Variants in ZBTB11 observed in about 807,000 individuals in gnomAD.
ZBTB11 encodes the protein zinc finger and BTB domain-containing protein 11.
ZBTB11 carries 68 observed loss-of-function variants against 113.1 expected under a neutral mutation model. The ratio of observed to expected loss-of-function variants is 0.60; its 90% CI spans 0.49 to 0.74. The LOEUF (loss-of-function observed/expected upper bound fraction) is 0.74, where lower values mean the gene tolerates loss of function less well. Ranked by LOEUF, ZBTB11 falls within the 30% of genes least tolerant of loss-of-function variation. The pLI, the probability that ZBTB11 is intolerant of heterozygous loss-of-function variation, is 0.00. For missense variants in ZBTB11, 1,104 were observed against 1,279.4 expected, an observed-to-expected ratio of 0.86 and a Z score of 2.09; for synonymous variants, 518 against 452.6, an observed-to-expected ratio of 1.14 and a Z score of -1.83.
Position 101,671,250 on chromosome 3 carries a change from T to C in ZBTB11, c.658A>G (p.Ile220Val). 7 of 1,614,190 alleles carry C rather than the reference T, an allele frequency of 4.3e-6. No homozygotes were observed. Among genetic ancestry groups the C allele is most frequent in the Non-Finnish European group, 5.9e-6 (7 of 1,180,006 alleles). The change falls in exon 3 of 11, where the codon ATT (isoleucine) becomes GTT (valine). Residue 220 changes from isoleucine (I) to valine (V), a missense_variant. Physicochemically the swap from Ile to Val is conservative, Grantham distance 29. Around this residue, in one of 5 missense-constraint regions of ZBTB11, gnomAD observed 86 missense variants for 131.0 expected, o/e 0.66. Transcript: ENST00000312938. Reference sequence around the variant, plus strand: ...TGAGCTTTGTACTCTTCTCCTTCAATTAACAAAGTAACATCACAGAACTGG... The same window carrying C: ...TGAGCTTTGTACTCTTCTCCTTCAACTAACAAAGTAACATCACAGAACTGG... ...SNQFCDVTLLIEGEEYKAHKS... is the reference protein window; with the variant it reads ...SNQFCDVTLLVEGEEYKAHKS...
intron 3 of ZBTB11, among the ~76,000 whole-genome samples, chr3:101,669,782 C>T (rs1937055274): frequency 6.6e-6 from 1 of 151,348 alleles, no homozygotes; most frequent in South Asian, 2.1e-4. Context: ...TCTTTGTATG[C>T]AGTGGATGCT....
rs1430047115 is a variant in ZBTB11, at chr3:101,665,720, G to T, written c.867C>A (p.Ala289=). ...ACATGAAAAGATGACGAGCTAAGAT[G>T]GCTACATCAGCCATGCTACAGAAAT... ...SFDFCSMADV[A]ILARHLFMSE... The change falls in exon 4 of 11, where the codon GCC becomes GCA. Residue 289 remains alanine (A), a synonymous_variant. Coordinates refer to ENST00000312938, the MANE Select transcript of ZBTB11 (RefSeq NM_014415.4). 6 of 1,614,020 alleles carry T rather than the reference G, an allele frequency of 3.7e-6. No homozygotes were observed. In the South Asian group the frequency reaches 5.5e-5, roughly 15 times the overall value.
At chr3:101,658,958 G>C (rs1021704534) in intron 6 of ZBTB11, among the ~76,000 whole-genome samples, 2 of 152,158 alleles carry the variant, frequency 1.3e-5, no homozygotes, top group African/African-American at 4.8e-5. Context: ...ACTAAGTCAG[G>C]CCTGGCATAG....
rs1559982600 is a variant in ZBTB11 at position 101,656,222 on chromosome 3, C to CT, written c.2072dup (p.His692AlafsTer19). Reference sequence around the variant, plus strand: ...GACTCTGATGTAATTTTAGACCATGCTTATAGATAAAAGTCTTTCCACAGA... The same window carrying CT: ...GACTCTGATGTAATTTTAGACCATGCTTTATAGATAAAAGTCTTTCCACAGA... On this transcript the variant is annotated frameshift_variant, in exon 7 of 11. Coordinates refer to ENST00000312938, the MANE Select transcript of ZBTB11 (RefSeq NM_014415.4). LOFTEE classifies it high-confidence loss of function. 6.3e-7 allele frequency: 1 copy of CT among 1,584,696 alleles called. No individual in the cohort carries two copies. Among genetic ancestry groups the CT allele is most frequent in the Non-Finnish European group, 8.6e-7 (1 of 1,166,736 alleles).
rs762326730 is a variant in ZBTB11, at chr3:101,651,460, G to A, written c.2868C>T (p.Asn956=). 3.7e-6 allele frequency: 6 copies of A among 1,614,062 alleles called. No individual in the cohort carries two copies. The highest frequency in any genetic ancestry group is 5.1e-6 in the Non-Finnish European group (6 of 1,180,006). Residue 956 remains asparagine (N), a synonymous_variant, in exon 11 of 11, where the codon AAC becomes AAT. Transcript: ENST00000312938. ...MLEKDTLQFH[N]QGTQVAHAVS... is the part of the protein sequence containing the mutation. ...CAGCATGTGCCACTTGAGTTCCTTGGTTATGAAACTGAAGGGTGTCTTTTT... is the reference window on the plus strand; with the variant it reads ...CAGCATGTGCCACTTGAGTTCCTTGATTATGAAACTGAAGGGTGTCTTTTT...
chr3:101,675,972 T>C (rs1203718874), intron 1 of ZBTB11, among the ~76,000 whole-genome samples: 2 of 151,986 alleles, frequency 1.3e-5, no homozygotes, highest in Non-Finnish European at 2.9e-5. Context: ...AAACAGTAAC[T>C]GATATCTTTT....
chr3:101,672,179 C>T lies in ZBTB11; in HGVS notation c.345G>A (p.Gln115=), dbSNP rs1937095978. The change falls in exon 2 of 11, where the codon CAG becomes CAA. Residue 115 remains glutamine (Q), a synonymous_variant. Coordinates refer to ENST00000312938, the MANE Select transcript of ZBTB11 (RefSeq NM_014415.4). ...CTAGTTTCTCCTGGCATTTGCTACA[C>T]TGTTTAATGTAATCTTTGACTTGCT... ...ILKQVKDYIK[Q]CSKCQEKLDR... The T allele has an allele frequency of 6.2e-7, 1 of 1,613,286 alleles. No individual in the cohort carries two copies. The highest frequency in any genetic ancestry group is 8.5e-7 in the Non-Finnish European group (1 of 1,179,680).
At chr3:101,655,974 T>TA (rs779402959) in intron 7 of ZBTB11, 130 bp downstream of exon 7, 1 of 832,104 alleles carries the variant, frequency 1.2e-6, no homozygotes, top group East Asian at 3.6e-5. Context: ...ACTTTTAATT[T>TA]AAAATACTGT....
At position 101,656,230 on chromosome 3, in the gene ZBTB11, T is replaced by C. The variant is rs745880279; in HGVS notation, c.2065A>G (p.Ile689Val). 2.1e-5 allele frequency: 33 copies of C among 1,579,600 alleles called. No homozygotes were observed. The highest frequency in any genetic ancestry group is 2.6e-5 in the Non-Finnish European group (30 of 1,164,608). The change falls in exon 7 of 11, where the codon ATC becomes GTC. Residue 689 changes from isoleucine to valine, a missense_variant. Transcript: ENST00000312938. ...HACQVCGKTF[I>V]YKHGLKLHQS... The stretch of plus-strand genomic sequence containing the variant: ...TGTAATTTTAGACCATGCTTATAGA[T>C]AAAAGTCTTTCCACAGACCTAAGAT...
rs373443495 is a variant in ZBTB11, at chr3:101,665,766, T to C, written c.821A>G (p.Tyr274Cys). 1.2e-6 allele frequency: 2 copies of C among 1,609,968 alleles called. No homozygotes were observed. The highest frequency in any genetic ancestry group is 1.7e-6 in the Non-Finnish European group (2 of 1,178,762). Residue 274 changes from tyrosine to cysteine, a missense_variant, in exon 4 of 11, where the codon TAT becomes TGT. Physicochemically the swap from Tyr to Cys is radical, Grantham distance 194. Coordinates refer to ENST00000312938, the MANE Select transcript of ZBTB11 (RefSeq NM_014415.4). ...ASFLPLLEFA[Y>C]TSVLSFDFCS... is the part of the protein sequence containing the mutation. ...GAAATCAAAACTTAGTACAGAAGTA[T>C]AGGCAAATTCCAGTAAAGGAAGGAA...
chr3:101,661,032 G>A (rs1325519852), intron 5 of ZBTB11, among the ~76,000 whole-genome samples: 2 of 151,802 alleles, frequency 1.3e-5, no homozygotes, highest in Non-Finnish European at 2.9e-5. Context: ...AGGAGTTTGA[G>A]ACCAGCCTGG....
intron 5 of ZBTB11, among the ~76,000 whole-genome samples, chr3:101,664,163 T>C (rs957116893): frequency 3.3e-5 from 5 of 152,206 alleles, no homozygotes; most frequent in African/African-American, 1.2e-4. Flanking sequence ...CAATTCAATT[T>C]GGGTTGATTC....
intron 5 of ZBTB11, among the ~76,000 whole-genome samples, chr3:101,664,336 A>AC (rs1559985315): frequency 6.6e-6 from 1 of 152,324 alleles, no homozygotes; most frequent in East Asian, 1.9e-4. Flanking sequence ...TTGTCTTACT[A>AC]CGGTATCAAG....
intron 3 of ZBTB11, among the ~76,000 whole-genome samples, chr3:101,669,457 G>C (rs1330375712): frequency 1.3e-5 from 2 of 152,056 alleles, no homozygotes; most frequent in East Asian, 3.9e-4. Flanking sequence ...GATGTATTAT[G>C]TTGGAATATT....
rs1936763786 is a variant in ZBTB11 at position 101,654,638 on chromosome 3, A to AT, written c.2309+65dup. The AT allele has an allele frequency of 1.8e-5, 25 of 1,365,604 alleles. 1 individual carries two copies. The South Asian group carries it at 2.2e-4, about 12-fold the overall frequency. 84.6% of individuals were successfully genotyped at this position (1,365,604 alleles called of 1,614,324 possible). A position where few individuals can be genotyped will look rare whatever the true frequency, so the allele number is the denominator to read the frequency against. ...TTACAGTTTAATATTATCTTCAAAT[A>AT]TTTTTTTGAAAACTGAGTAAAAACA... On this transcript the variant is annotated intron_variant, in intron 8 of 10. Transcript: ENST00000312938.
In ZBTB11 at chr3:101,652,641, T is replaced by C; in HGVS notation, c.2499A>G (p.Glu833=). The C allele has an allele frequency of 6.2e-7, 1 of 1,613,950 alleles. No individual in the cohort carries two copies. The highest frequency in any genetic ancestry group is 8.5e-7 in the Non-Finnish European group (1 of 1,179,998). ...TTACATGCCTTCTGAACAAAGCTTT[T>C]TCATAAAATTCTTTGCCACATATAT... ...RCNICGKEFY[E]KALFRRHVKK... Residue 833 remains glutamate (E), a synonymous_variant, in exon 10 of 11, where the codon GAA becomes GAG. Coordinates refer to ENST00000312938, the MANE Select transcript of ZBTB11 (RefSeq NM_014415.4).
chr3:101,671,312 G>A lies in ZBTB11; in HGVS notation c.596C>T (p.Ala199Val). The A allele has an allele frequency of 6.2e-7, 1 of 1,614,150 alleles. No individual in the cohort carries two copies. The highest frequency in any genetic ancestry group is 8.5e-7 in the Non-Finnish European group (1 of 1,180,016). Residue 199 changes from alanine to valine, a missense_variant, in exon 3 of 11, where the codon GCT (alanine) becomes GTT (valine). By Grantham distance (64) the Ala-to-Val change is moderately conservative. This residue lies in a region of ZBTB11 where 245 missense variants were observed against 272.5 expected (regional missense o/e 0.90). Coordinates refer to ENST00000312938, the MANE Select transcript of ZBTB11 (RefSeq NM_014415.4). ...VKRSSPKHCQ[A>V]VLKQLNEQRL... ...CTGTTCGTTCAGCTGTTTTAAGACAGCCTGACAATGTTTTGGAGAAGAACG... is the reference window on the plus strand; with the variant it reads ...CTGTTCGTTCAGCTGTTTTAAGACAACCTGACAATGTTTTGGAGAAGAACG...
At chr3:101,673,633 C>T (rs923825796) in intron 1 of ZBTB11, among the ~76,000 whole-genome samples, 10 of 152,032 alleles carry the variant, frequency 6.6e-5, no homozygotes, top group African/African-American at 2.4e-4. Flanking sequence ...CCCACCTCAG[C>T]CTCCCGAGTA....
At chr3:101,676,008 A>G (rs1476236688) in intron 1 of ZBTB11, among the ~76,000 whole-genome samples, 1 of 152,234 alleles carries the variant, frequency 6.6e-6, no homozygotes, top group Non-Finnish European at 1.5e-5. Context: ...TCTTAAAAAA[A>G]AACGCTCAAG....
Sources: gnomAD v4.1 joint callset for allele counts (sites outside exome capture counted in the v4.1 genomes callset) on GRCh38, gnomAD v4.1.1 for gene constraint, gnomAD v4.1.1 regional missense constraint, MANE v1.5 for transcripts, NCBI Gene and HGNC (gene_info 2026-07-23, HGNC 2026-07-21) for gene names.